Variants in BTG3 observed in about 807,000 individuals in gnomAD.
The protein encoded by BTG3 is protein BTG3.
In BTG3, 4 loss-of-function variants were observed where a neutral mutation model predicts 25.8. The observed-to-expected ratio is 0.16, with a 90% CI of 0.08 to 0.36. The LOEUF (loss-of-function observed/expected upper bound fraction) is 0.36. Ranked by LOEUF, BTG3 falls within the 10% of genes least tolerant of loss-of-function variation. The pLI, the probability that BTG3 is intolerant of heterozygous loss-of-function variation, is 1.00. For synonymous variants in BTG3, 107 were observed against 99.9 expected (o/e 1.07, Z -0.42); for missense variants, 201 against 304.9 (o/e 0.66, Z 2.54).
intron 3 of BTG3, among the ~76,000 whole-genome samples, chr21:17,603,370 T>G (rs1160059464): frequency 6.6e-6 from 1 of 152,114 alleles, no homozygotes; most frequent in African/African-American, 2.4e-5. Context: ...TTGGAGAATG[T>G]TTATCACAAA....
chr21:17,609,665 A>G (rs531519932), intron 1 of BTG3, among the ~76,000 whole-genome samples: 127 of 152,358 alleles, frequency 8.3e-4, no homozygotes, highest in Non-Finnish European at 1.3e-3. Flanking sequence ...TTCTACTTCT[A>G]TTTGCCCAAG....
chr21:17,612,097 G>A (rs1569195016), intron 1 of BTG3: 2 of 152,370 alleles, frequency 1.3e-5, no homozygotes, highest in Non-Finnish European at 2.9e-5. Context: ...GGTAGGTGAG[G>A]AGGGATCAAA....
At chr21:17,595,051 C>T (rs989934008) in intron 4 of BTG3, among the ~76,000 whole-genome samples, 1 of 151,544 alleles carries the variant, frequency 6.6e-6, no homozygotes, top group Non-Finnish European at 1.5e-5. Context: ...TAGCACTGGT[C>T]TAATGAACAA....
chr21:17,609,803 C>T (rs539343545), intron 1 of BTG3, among the ~76,000 whole-genome samples: 5 of 152,170 alleles, frequency 3.3e-5, no homozygotes, highest in South Asian at 2.1e-4. Context: ...GTTATACACA[C>T]GTATGGAATA....
chr21:17,597,185 A>G (rs1270019437), intron 4 of BTG3, among the ~76,000 whole-genome samples: 2 of 152,086 alleles, frequency 1.3e-5, no homozygotes, highest in African/African-American at 2.4e-5. Context: ...CATGAGGGAA[A>G]ATAAATGCAA....
chr21:17,604,315 G>A (rs1233591469), intron 3 of BTG3: 2 of 227,370 alleles, frequency 8.8e-6, no homozygotes, highest in Non-Finnish European at 1.9e-5. Flanking sequence ...CACAGTGGTG[G>A]GCGCCTGTAA....
At chr21:17,609,521 C>A (rs1280284065) in intron 1 of BTG3, among the ~76,000 whole-genome samples, 1 of 152,170 alleles carries the variant, frequency 6.6e-6, no homozygotes, top group South Asian at 2.1e-4. Context: ...GTTTAAAATT[C>A]TGTGAAATGA....
rs2061470887 is a variant in BTG3, at chr21:17,594,081, T to C, written c.*12A>G. ...TTTTCTCAACATGACACCAACACAA[T>C]CAAAAACGAAGTTAGTGAGGTGCTA... On this transcript the variant is annotated 3_prime_UTR_variant, in exon 5 of 5. Coordinates refer to ENST00000348354, the MANE Select transcript of BTG3 (RefSeq NM_006806.5). 1.2e-6 allele frequency: 2 copies of C among 1,610,880 alleles called. No individual in the cohort carries two copies. Among genetic ancestry groups the C allele is most frequent in the Non-Finnish European group, 1.7e-6 (2 of 1,178,134 alleles).
At chr21:17,600,812 C>T (rs1337824172) in intron 3 of BTG3, among the ~76,000 whole-genome samples, 1 of 152,154 alleles carries the variant, frequency 6.6e-6, no homozygotes, top group Non-Finnish European at 1.5e-5. Flanking sequence ...ACTATAAATA[C>T]TACTTAAATA....
rs2061754280 is a variant in BTG3 at position 17,612,823 on chromosome 21, G to A, written c.-133C>T. The stretch of plus-strand genomic sequence containing the variant: ...ACAGGGAGCGCAGCGAGCCTCGTCC[G>A]GCGCGTGCGGCTCCCGCGTCGTCGG... On this transcript the variant is annotated 5_prime_UTR_variant, in exon 1 of 5. Coordinates refer to ENST00000348354, the MANE Select transcript of BTG3 (RefSeq NM_006806.5). 6.6e-6 allele frequency: 1 copy of A among 152,176 alleles called. No individual in the cohort carries two copies. Among genetic ancestry groups the A allele is most frequent in the African/African-American group, 2.4e-5 (1 of 41,446 alleles). 9.4% of individuals were successfully genotyped at this position (152,176 alleles called of 1,614,324 possible).
In BTG3 at chr21:17,596,245, T is replaced by C. The variant is rs141887082; in HGVS notation, c.520-1913A>G. ...TTTGTCCTAGTCTATGGTTTGCCCA[T>C]TTTCTTAATGGTTTCTTTGATGAAC... On this transcript the variant is annotated intron_variant, in intron 4 of 4. Transcript: ENST00000348354. 2.8e-3 allele frequency among the ~76,000 whole-genome samples: 427 copies of C among 152,188 alleles called. 1 individual carries two copies. The highest frequency in any genetic ancestry group is 9.8e-3 in the African/African-American group (406 of 41,570).
At position 17,601,671 on chromosome 21, in the gene BTG3, T is replaced by C. The variant is rs147508322; in HGVS notation, c.312-2847A>G. 6.9e-4 allele frequency among the ~76,000 whole-genome samples: 105 copies of C among 152,350 alleles called. 1 individual carries two copies. In the East Asian group the frequency reaches 0.019, roughly 27 times the overall value. ...CATGTCCCCTCCACAGTTGGAAGACTCAACAAATTTCAAGACAATCAAGGG... is the reference window on the plus strand; with the variant it reads ...CATGTCCCCTCCACAGTTGGAAGACCCAACAAATTTCAAGACAATCAAGGG... On this transcript the variant is annotated intron_variant, in intron 3 of 4. Coordinates refer to ENST00000348354, the MANE Select transcript of BTG3 (RefSeq NM_006806.5).
At chr21:17,604,166 G>C (rs775710541) in intron 3 of BTG3, 1 of 1,275,600 alleles carries the variant, frequency 7.8e-7, no homozygotes, top group East Asian at 6.3e-5. Flanking sequence ...GGAGGAGGCC[G>C]GGCGCAGTGG....
At chr21:17,595,261 C>T (rs1479797154) in intron 4 of BTG3, among the ~76,000 whole-genome samples, 1 of 152,032 alleles carries the variant, frequency 6.6e-6, no homozygotes, top group African/African-American at 2.4e-5. Context: ...TCTTAAATTT[C>T]TGATTTTGCT....
At chr21:17,607,553 C>T (rs1224566365) in intron 2 of BTG3, among the ~76,000 whole-genome samples, 1 of 152,108 alleles carries the variant, frequency 6.6e-6, no homozygotes, top group Non-Finnish European at 1.5e-5. Flanking sequence ...GTCAATAGAA[C>T]ACAAGCTCAC....
intron 2 of BTG3, among the ~76,000 whole-genome samples, chr21:17,606,590 C>A (rs902828097): frequency 2.6e-5 from 4 of 152,034 alleles, no homozygotes; most frequent in Admixed American, 2.6e-4. Context: ...TAAGGTGATA[C>A]AGGCTCTAAG....
chr21:17,602,926 T>A (rs997052149), intron 3 of BTG3, among the ~76,000 whole-genome samples: 1 of 152,196 alleles, frequency 6.6e-6, no homozygotes, highest in Non-Finnish European at 1.5e-5. Context: ...TGGTTTAGGA[T>A]CATTATATTG....
intron 3 of BTG3, among the ~76,000 whole-genome samples, chr21:17,603,035 G>A (rs2061593842): frequency 6.6e-6 from 1 of 152,038 alleles, no homozygotes; most frequent in African/African-American, 2.4e-5. Flanking sequence ...TTTTGGTAGC[G>A]TCTGACTCAT....
intron 2 of BTG3, among the ~76,000 whole-genome samples, chr21:17,605,576 T>C (rs1030555385): frequency 6.6e-6 from 1 of 152,244 alleles, no homozygotes; most frequent in African/African-American, 2.4e-5. Context: ...TAACATGTTA[T>C]TGGCTTATTT....
Sources: allele counts gnomAD v4.1 joint callset (sites outside exome capture counted in the v4.1 genomes callset), GRCh38; gene constraint gnomAD v4.1.1; transcripts MANE v1.5; gene names NCBI Gene and HGNC (gene_info 2026-07-23, HGNC 2026-07-21).